Variants in WWOX observed in about 807,000 individuals in gnomAD.
WWOX encodes WW domain containing oxidoreductase.
WWOX carries 69 observed loss-of-function variants against 46.2 expected under a neutral mutation model. The ratio of observed to expected loss-of-function variants is 1.49; its 90% CI spans 1.23 to 1.82. WWOX has a LOEUF of 1.82. WWOX is among the 40% of genes most tolerant of loss of function. The pLI is 0.00. For missense variants in WWOX, 919 were observed against 542.6 expected, an observed-to-expected ratio of 1.69 and a Z score of -6.89; for synonymous variants, 359 against 202.6, an observed-to-expected ratio of 1.77 and a Z score of -6.56.
At chr16:78,691,316 T>C (rs1342498648) in intron 8 of WWOX, 1 of 700,254 alleles carries the variant, frequency 1.4e-6, no homozygotes, top group South Asian at 1.5e-5. Flanking sequence ...TTGTAAAAGA[T>C]TTACAATTAT....
intron 8 of WWOX, among the ~76,000 whole-genome samples, chr16:78,738,444 A>T (rs1209096136): frequency 6.6e-6 from 1 of 152,200 alleles, no homozygotes; most frequent in East Asian, 1.9e-4. Flanking sequence ...TCAGGTGGCC[A>T]ATGAAGTGTC....
chr16:79,017,698 T>G (rs1287035752), intron 8 of WWOX, among the ~76,000 whole-genome samples: 1 of 152,086 alleles, frequency 6.6e-6, no homozygotes, highest in Non-Finnish European at 1.5e-5. Flanking sequence ...TGAAATTATA[T>G]TTTTTTGATT....
intron 8 of WWOX, among the ~76,000 whole-genome samples, chr16:79,112,591 G>A (rs748146501): frequency 2.0e-5 from 3 of 152,104 alleles, no homozygotes; most frequent in Non-Finnish European, 4.4e-5. Context: ...AGATATTTCT[G>A]ATCTTTTCAT....
intron 8 of WWOX, among the ~76,000 whole-genome samples, chr16:78,651,338 A>T (rs1052372886): frequency 1.3e-5 from 2 of 152,224 alleles, no homozygotes; most frequent in Admixed American, 1.3e-4. Context: ...GTCTACAGAA[A>T]AGATATAACG....
chr16:79,150,429 G>A (rs190998688), intron 8 of WWOX, among the ~76,000 whole-genome samples: 38 of 152,244 alleles, frequency 2.5e-4, no homozygotes, highest in African/African-American at 9.1e-4. Flanking sequence ...TAGAATAAAG[G>A]AATGAAGTTG....
intron 4 of WWOX, among the ~76,000 whole-genome samples, chr16:78,153,594 A>T (rs769780756): frequency 6.6e-6 from 1 of 152,040 alleles, no homozygotes; most frequent in Admixed American, 6.6e-5. Context: ...TTTTAGTGCT[A>T]TGTTTGTGGG....
At chr16:78,197,739 G>T (rs2151771008) in intron 5 of WWOX, among the ~76,000 whole-genome samples, 1 of 152,192 alleles carries the variant, frequency 6.6e-6, no homozygotes, top group African/African-American at 2.4e-5. Context: ...GGATGTCATT[G>T]TCTTCACTTG....
chr16:78,715,810 T>G (rs1372146800), intron 8 of WWOX, among the ~76,000 whole-genome samples: 1 of 152,176 alleles, frequency 6.6e-6, no homozygotes, highest in Non-Finnish European at 1.5e-5. Flanking sequence ...AAGCAAAAGC[T>G]TTTCTAGAAT....
intron 8 of WWOX, among the ~76,000 whole-genome samples, chr16:78,438,648 G>T (rs1241372319): frequency 6.6e-6 from 1 of 152,108 alleles, no homozygotes; most frequent in Non-Finnish European, 1.5e-5. Flanking sequence ...TCATGTGTTA[G>T]GGTAGCAAGA....
At chr16:78,533,596 C>T (rs575514991) in intron 8 of WWOX, among the ~76,000 whole-genome samples, 2 of 152,122 alleles carry the variant, frequency 1.3e-5, no homozygotes, top group Middle Eastern at 3.2e-3. Context: ...GGAGAGATCA[C>T]AAGGTACAAC....
intron 8 of WWOX, among the ~76,000 whole-genome samples, chr16:78,613,727 T>C (rs903680356): frequency 6.6e-6 from 1 of 152,194 alleles, no homozygotes; most frequent in Non-Finnish European, 1.5e-5. Context: ...GAACGAACTT[T>C]CCAGCCGAGA....
intron 8 of WWOX, among the ~76,000 whole-genome samples, chr16:78,619,400 G>C (rs577956017): frequency 7.0e-6 from 1 of 143,702 alleles, no homozygotes; most frequent in Non-Finnish European, 1.5e-5. Context: ...GTAGAAAAGG[G>C]CACACACTCC....
chr16:79,099,548 A>C (rs1026273615), intron 8 of WWOX, among the ~76,000 whole-genome samples: 10 of 151,670 alleles, frequency 6.6e-5, no homozygotes, highest in African/African-American at 2.4e-4. Context: ...CTTCTAACAG[A>C]ATCTAGAAAT....
At chr16:78,726,329 A>T (rs1033073631) in intron 8 of WWOX, among the ~76,000 whole-genome samples, 3 of 151,202 alleles carry the variant, frequency 2.0e-5, no homozygotes, top group African/African-American at 7.3e-5. Context: ...GGGTCAAGTG[A>T]TCTTCCCCAC....
chr16:78,430,387 T>G (rs1163871691), intron 7 of WWOX, among the ~76,000 whole-genome samples: 1 of 152,166 alleles, frequency 6.6e-6, no homozygotes, highest in Admixed American at 6.5e-5. Context: ...GAAAGTGCTT[T>G]TATTCATTCT....
Position 78,859,220 on chromosome 16 carries a change from T to C in WWOX, c.1057-352388T>C, listed in dbSNP as rs932251858. ...GGGGCCTAAAATGAGTTCAACTGAT[T>C]TCAACTTTGTTTCCCAGCATAAAGC... On this transcript the variant is annotated intron_variant, in intron 8 of 8. Transcript: ENST00000566780. Among the ~76,000 whole-genome samples, 6 of 151,598 alleles carry C rather than the reference T, an allele frequency of 4.0e-5. No homozygotes were observed. The South Asian group carries it at 6.3e-4, about 16-fold the overall frequency.
chr16:79,199,458 C>G (rs184097710), intron 8 of WWOX, among the ~76,000 whole-genome samples: 1 of 152,114 alleles, frequency 6.6e-6, no homozygotes, highest in African/African-American at 2.4e-5. Context: ...CAAAGACACA[C>G]GAATCTCTTA....
chr16:78,727,683 C>A (rs561607918), intron 8 of WWOX, among the ~76,000 whole-genome samples: 1 of 152,202 alleles, frequency 6.6e-6, no homozygotes, highest in East Asian at 1.9e-4. Context: ...AAGCTTCTTT[C>A]AGTAACAACT....
At chr16:79,074,880 C>CT (rs200097465) in intron 8 of WWOX, among the ~76,000 whole-genome samples, 1 of 79,582 alleles carries the variant, frequency 1.3e-5, no homozygotes, top group African/African-American at 1.2e-4. Flanking sequence ...GATACAGAAC[C>CT]TTTAAAAAAA....
Sources: allele counts gnomAD v4.1 joint callset (sites outside exome capture counted in the v4.1 genomes callset), GRCh38; gene constraint gnomAD v4.1.1; transcripts MANE v1.5; gene names NCBI Gene and HGNC (gene_info 2026-07-23, HGNC 2026-07-21).